The following IL1RAPL2 variants were observed in gnomAD, a reference collection of about 807,000 sequenced individuals.
The protein encoded by IL1RAPL2 is interleukin 1 receptor accessory protein like 2.
Under a neutral mutation model 44.1 loss-of-function variants are expected in IL1RAPL2, and 3 were observed. The ratio of observed to expected loss-of-function variants is 0.07; its 90% confidence interval spans 0.03 to 0.18. The LOEUF is 0.18. IL1RAPL2 is among the 10% of genes least tolerant of loss of function. The pLI is 1.00. For synonymous variants in IL1RAPL2, 181 were observed against 178.8 expected (o/e 1.01, Z -0.10); for missense variants, 391 against 496.4 (o/e 0.79, Z 2.02).
chrX:105,198,209 A>G (rs1174055949), intron 3 of IL1RAPL2, among the ~76,000 whole-genome samples: 7 of 111,878 alleles, frequency 6.3e-5, no homozygotes, highest in African/African-American at 2.3e-4. Context: ...CGATAAATAC[A>G]TATGTGCATG....
chrX:104,668,319 A>C (rs776336013), intron 2 of IL1RAPL2, among the ~76,000 whole-genome samples: 27 of 107,440 alleles, frequency 2.5e-4, no homozygotes, highest in East Asian at 2.0e-3. Flanking sequence ...TTTTATTTTT[A>C]TTTTTATTTT....
At chrX:104,574,576 G>C (rs987021881) in intron 1 of IL1RAPL2, among the ~76,000 whole-genome samples, 1 of 111,755 alleles carries the variant, frequency 8.9e-6, no homozygotes, top group East Asian at 2.8e-4. Context: ...ATAAATGCAA[G>C]TACTAAAACA....
intron 5 of IL1RAPL2, among the ~76,000 whole-genome samples, chrX:105,269,405 AATATATAATATAC>A (rs1391914618): frequency 1.8e-5 from 2 of 110,503 alleles, no homozygotes; most frequent in Non-Finnish European, 3.8e-5. Flanking sequence ...TTAATAAACT[AATATATAATATAC>A]ATATATATTA....
intron 1 of IL1RAPL2, among the ~76,000 whole-genome samples, chrX:104,656,118 A>T: frequency 9.0e-6 from 1 of 111,151 alleles, no homozygotes; most frequent in East Asian, 2.8e-4. Flanking sequence ...TCTTTTCAAA[A>T]AACCAACCCC....
Position 105,247,603 on chromosome X carries a change from A to ATGTG in IL1RAPL2, c.543+13637_543+13640dup, listed in dbSNP as rs10588244. On this transcript the variant is annotated intron_variant, in intron 4 of 10. Transcript: ENST00000372582. ...TAGAAGTGTGTGTGTATATATATAT[A>ATGTG]TGTGTGTGTGTGTGTGTGTGTGTGT... Among the ~76,000 whole-genome samples, 578 of 95,043 alleles carry ATGTG rather than the reference A, an allele frequency of 6.1e-3. 5 individuals are homozygous for ATGTG. The highest frequency in any genetic ancestry group is 0.018 in the East Asian group (52 of 2,819). 82.5% of individuals were successfully genotyped at this position (95,043 alleles called of 115,157 possible). A position where few individuals can be genotyped will look rare whatever the true frequency, so the allele number is the denominator to read the frequency against.
chrX:104,979,296 A>G (rs2030393878), intron 2 of IL1RAPL2, among the ~76,000 whole-genome samples: 1 of 111,632 alleles, frequency 9.0e-6, no homozygotes, highest in African/African-American at 3.2e-5. Context: ...TAATTCCAGA[A>G]AGCCCATATA....
At chrX:104,982,039 AT>A (rs1429570142) in intron 2 of IL1RAPL2, among the ~76,000 whole-genome samples, 3 of 110,524 alleles carry the variant, frequency 2.7e-5, no homozygotes, top group African/African-American at 9.9e-5. Flanking sequence ...CTATCATCAG[AT>A]AGTATGCTTA....
intron 2 of IL1RAPL2, among the ~76,000 whole-genome samples, chrX:104,696,438 C>CT (rs1931184720): frequency 1.8e-5 from 2 of 112,055 alleles, no homozygotes; most frequent in African/African-American, 6.5e-5. Flanking sequence ...CTCACACCTG[C>CT]TGAATGCAAG....
chrX:105,660,914 G>C (rs1404289098), intron 6 of IL1RAPL2, among the ~76,000 whole-genome samples: 3 of 110,987 alleles, frequency 2.7e-5, no homozygotes, highest in African/African-American at 9.8e-5. Context: ...AAAATGGCAG[G>C]AGTAAATCCT....
chrX:105,181,228 A>T (rs1291676316), intron 2 of IL1RAPL2, among the ~76,000 whole-genome samples: 1 of 111,869 alleles, frequency 8.9e-6, no homozygotes, highest in African/African-American at 3.2e-5. Context: ...TGGTTAGTAT[A>T]GCTAGTGGTT....
intron 2 of IL1RAPL2, among the ~76,000 whole-genome samples, chrX:104,913,272 T>A (rs376496186): frequency 5.4e-5 from 6 of 110,587 alleles, no homozygotes; most frequent in Non-Finnish European, 1.1e-4. Context: ...TAATAAGGTC[T>A]GGTAGTTGCT....
intron 2 of IL1RAPL2, among the ~76,000 whole-genome samples, chrX:105,168,305 G>A (rs761378373): frequency 6.3e-5 from 7 of 111,358 alleles, no homozygotes; most frequent in Non-Finnish European, 1.3e-4. Flanking sequence ...ACGAGTGTCA[G>A]TGTTTTCCTC....
rs188444776 is a variant in IL1RAPL2 at position 104,797,273 on chromosome X, G to A, written c.82+138278G>A. ...TTTGTACTTCTCTGTGATTTGGTAC[G>A]AGGCAATTTAATCTACGTGACAAAG... On this transcript the variant is annotated intron_variant, in intron 2 of 10. Coordinates refer to ENST00000372582, the MANE Select transcript of IL1RAPL2 (RefSeq NM_017416.2). Among the ~76,000 whole-genome samples, 452 of 97,852 alleles carry A rather than the reference G, an allele frequency of 4.6e-3. 3 individuals carry two copies. The highest frequency in any genetic ancestry group is 9.0e-3 in the Admixed American group (69 of 7,645). 85.0% of individuals were successfully genotyped at this position (97,852 alleles called of 115,157 possible). A position where few individuals can be genotyped will look rare whatever the true frequency, so the allele number is the denominator to read the frequency against.
At chrX:105,619,398 T>G (rs2037404148) in intron 6 of IL1RAPL2, among the ~76,000 whole-genome samples, 1 of 111,759 alleles carries the variant, frequency 8.9e-6, no homozygotes, top group Non-Finnish European at 1.9e-5. Flanking sequence ...CAAAATAAGA[T>G]TTCCTTTATA....
At chrX:105,177,219 A>G (rs1260016985) in intron 2 of IL1RAPL2, among the ~76,000 whole-genome samples, 1 of 110,024 alleles carries the variant, frequency 9.1e-6, no homozygotes, top group Non-Finnish European at 1.9e-5. Flanking sequence ...TTAGATTCTC[A>G]TAGGAGCACA....
chrX:105,132,175 GAA>G (rs1387473719), intron 2 of IL1RAPL2, among the ~76,000 whole-genome samples: 4 of 107,182 alleles, frequency 3.7e-5, no homozygotes, highest in African/African-American at 1.4e-4. Context: ...AAAAAAAAAA[GAA>G]AAAGAAAATG....
At chrX:104,607,644 A>T (rs1452472250) in intron 1 of IL1RAPL2, among the ~76,000 whole-genome samples, 2 of 112,317 alleles carry the variant, frequency 1.8e-5, no homozygotes, top group African/African-American at 6.5e-5. Context: ...GCTCATCATC[A>T]CTGGTCATCA....
At chrX:105,135,293 C>T (rs1287672699) in intron 2 of IL1RAPL2, among the ~76,000 whole-genome samples, 3 of 111,239 alleles carry the variant, frequency 2.7e-5, no homozygotes, top group Non-Finnish European at 5.7e-5. Flanking sequence ...ATTAAATGAT[C>T]TGGTGTGTTT....
chrX:105,196,650 C>G lies in IL1RAPL2; in HGVS notation c.356+902C>G, dbSNP rs978257906. ...AAAGATATCACAGACATAATTCTTG[C>G]TTGCAAGAAGTTTACAGTAAAAAGC... On this transcript the variant is annotated intron_variant, in intron 3 of 10. Coordinates refer to ENST00000372582, the MANE Select transcript of IL1RAPL2 (RefSeq NM_017416.2). Among the ~76,000 whole-genome samples the G allele has an allele frequency of 4.5e-5, 5 of 111,452 alleles. No individual in the cohort carries two copies. In the South Asian group the frequency reaches 1.9e-3, roughly 43 times the overall value.
Sources: gnomAD v4.1 joint callset for allele counts (sites outside exome capture counted in the v4.1 genomes callset) on GRCh38, gnomAD v4.1.1 for gene constraint, MANE v1.5 for transcripts, NCBI Gene and HGNC (gene_info 2026-07-23, HGNC 2026-07-21) for gene names.